The following BMPR2 variants were observed in gnomAD, a reference collection of about 807,000 sequenced individuals.
The protein encoded by BMPR2 is bone morphogenetic protein receptor type-2.
BMPR2 carries 29 observed loss-of-function variants against 100.8 expected under a neutral mutation model. The ratio of observed to expected loss-of-function variants is 0.29; its 90% CI spans 0.21 to 0.39. BMPR2 has a LOEUF of 0.39. Among genes scored for constraint, BMPR2 ranks in the 10% least tolerant of loss-of-function variants. BMPR2 has a pLI of 1.00. For synonymous variants in BMPR2, 382 were observed against 442.3 expected (o/e 0.86, Z 1.71); for missense variants, 1,011 against 1,274.5 (o/e 0.79, Z 3.15).
chr2:202,556,407 T>G lies in BMPR2; in HGVS notation c.2742T>G (p.Asp914Glu), dbSNP rs749511416. The change falls in exon 12 of 13, where the codon GAT becomes GAG. Residue 914 changes from aspartate (D) to glutamate (E), a missense_variant. By Grantham distance (45) the Asp-to-Glu change is conservative. Around this residue, in one of 6 missense-constraint regions of BMPR2, gnomAD observed 508 missense variants for 552.0 expected, o/e 0.92. Transcript: ENST00000374580. ...ACAGCAATCCATGTTCAGAACAAGATGTTCTTGCACAGGGTGTTCCAAGCA... is the reference window on the plus strand; with the variant it reads ...ACAGCAATCCATGTTCAGAACAAGAGGTTCTTGCACAGGGTGTTCCAAGCA... ...NNNSNPCSEQ[D>E]VLAQGVPSTA... is the part of the protein sequence containing the mutation. The G allele has an allele frequency of 1.2e-6, 2 of 1,614,182 alleles. No homozygotes were observed. Among genetic ancestry groups the G allele is most frequent in the East Asian group, 4.5e-5 (2 of 44,874 alleles).
chr2:202,408,817 A>G (rs1690952421), intron 1 of BMPR2, among the ~76,000 whole-genome samples: 1 of 152,212 alleles, frequency 6.6e-6, no homozygotes, highest in Non-Finnish European at 1.5e-5. Flanking sequence ...AACACAGGGT[A>G]TAACATCAAA....
Position 202,563,625 on chromosome 2 carries a change from A to G in BMPR2, c.*3679A>G, listed in dbSNP as rs1402277619. The G allele has an allele frequency of 6.6e-6, 1 of 152,186 alleles. No homozygotes were observed. The highest frequency in any genetic ancestry group is 1.9e-4 in the East Asian group (1 of 5,198). The allele number at this position is 152,186 out of a possible 1,614,324, so 9.4% of individuals were successfully genotyped here. On this transcript the variant is annotated 3_prime_UTR_variant, in exon 13 of 13. Transcript: ENST00000374580. ...CTCAATCCTGTATCTTCCATCATGA[A>G]TCTTAAAATCATTTCACTTCACTCC...
chr2:202,555,567 C>A lies in BMPR2; in HGVS notation c.1902C>A (p.Tyr634Ter). ...TGMTTISEMP[Y>*]PDETNLHTTN... ...TGACTACTATATCTGAGATGCCATA[C>A]CCAGATGAAACAAATCTGCATACCA... Residue 634 changes from tyrosine (Y) to a stop codon, truncating the protein, a stop_gained, in exon 12 of 13, where the codon TAC (tyrosine) becomes TAA (stop). Transcript: ENST00000374580. LOFTEE classifies it high-confidence loss of function. 1 of 1,614,098 alleles carries A rather than the reference C, an allele frequency of 6.2e-7. No individual in the cohort carries two copies. The highest frequency in any genetic ancestry group is 8.5e-7 in the Non-Finnish European group (1 of 1,180,030).
At chr2:202,450,959 A>G (rs1458049336) in intron 1 of BMPR2, among the ~76,000 whole-genome samples, 1 of 152,194 alleles carries the variant, frequency 6.6e-6, no homozygotes, top group African/African-American at 2.4e-5. Context: ...CATTACTGCA[A>G]GGTTCCTGTG....
At chr2:202,444,350 T>A (rs938723047) in intron 1 of BMPR2, among the ~76,000 whole-genome samples, 1 of 150,754 alleles carries the variant, frequency 6.6e-6, no homozygotes, top group Non-Finnish European at 1.5e-5. Flanking sequence ...TTTGTTTTTT[T>A]ATAAGAAAAT....
At chr2:202,531,226 C>T (rs1480605320) in intron 8 of BMPR2, among the ~76,000 whole-genome samples, 3 of 152,160 alleles carry the variant, frequency 2.0e-5, no homozygotes, top group Non-Finnish European at 2.9e-5. Flanking sequence ...TCGCTTGAAC[C>T]CAGGAGGAGG....
intron 3 of BMPR2, among the ~76,000 whole-genome samples, chr2:202,491,648 C>T (rs192505146): frequency 1.6e-4 from 24 of 152,072 alleles, no homozygotes; most frequent in African/African-American, 5.5e-4. Context: ...AGGAGATCCA[C>T]CCGCCTCAGC....
intron 5 of BMPR2, among the ~76,000 whole-genome samples, chr2:202,517,021 T>C (rs183910700): frequency 6.6e-6 from 1 of 152,094 alleles, no homozygotes; most frequent in Non-Finnish European, 1.5e-5. Context: ...GTAATTTTTT[T>C]GTATTCTGGA....
At chr2:202,550,510 G>C (rs964824205) in intron 10 of BMPR2, among the ~76,000 whole-genome samples, 12 of 151,986 alleles carry the variant, frequency 7.9e-5, no homozygotes, top group African/African-American at 2.9e-4. Context: ...GAGCCACCAT[G>C]CCTAGCCTAG....
chr2:202,548,009 T>C (rs1414725684), intron 10 of BMPR2, among the ~76,000 whole-genome samples: 1 of 151,812 alleles, frequency 6.6e-6, no homozygotes, highest in Non-Finnish European at 1.5e-5. Flanking sequence ...CACTTGAACC[T>C]GGGAGGTGGA....
Position 202,560,180 on chromosome 2 carries a change from T to C in BMPR2, c.*234T>C, listed in dbSNP as rs1688655978. ...CTTTTGTTTAGTCTCGCTAAAGTTA[T>C]ATTTGTCTGTTATGACCACAGAGTT... is the stretch of plus-strand genomic sequence containing the variant. On this transcript the variant is annotated 3_prime_UTR_variant, in exon 13 of 13. Transcript: ENST00000374580. 3 of 533,060 alleles carry C rather than the reference T, an allele frequency of 5.6e-6. No homozygotes were observed. Among genetic ancestry groups the C allele is most frequent in the Non-Finnish European group, 6.7e-6 (2 of 299,894 alleles). The allele number at this position is 533,060 out of a possible 1,614,324, so 33.0% of individuals were successfully genotyped here.
In BMPR2 at chr2:202,469,093, C is replaced by T. The variant is rs901587166; in HGVS notation, c.418+1404C>T. On this transcript the variant is annotated intron_variant, in intron 3 of 12. Coordinates refer to ENST00000374580, the MANE Select transcript of BMPR2 (RefSeq NM_001204.7). The stretch of plus-strand genomic sequence containing the variant: ...TTGCCGAGGCTGGAGTGCAATGGCA[C>T]GATCTCGGCTCACCACAACCTCTGC... 3.9e-5 allele frequency among the ~76,000 whole-genome samples: 6 copies of T among 152,220 alleles called. No individual in the cohort carries two copies. In the South Asian group the frequency reaches 8.3e-4, roughly 21 times the overall value.
chr2:202,483,774 G>A (rs898059388), intron 3 of BMPR2, among the ~76,000 whole-genome samples: 23 of 152,192 alleles, frequency 1.5e-4, no homozygotes, highest in African/African-American at 5.3e-4. Flanking sequence ...TTCTTTATTT[G>A]GTATTGGAAC....
chr2:202,560,965 A>G lies in BMPR2; in HGVS notation c.*1019A>G, dbSNP rs1379353837. 1 of 152,172 alleles carries G rather than the reference A, an allele frequency of 6.6e-6. No homozygotes were observed. The highest frequency in any genetic ancestry group is 1.5e-5 in the Non-Finnish European group (1 of 68,028). 9.4% of individuals were successfully genotyped at this position (152,172 alleles called of 1,614,324 possible). ...AGTAGGTAAATAAATGGTTAAGACA[A>G]AATAGTGTTATAGCCTTCATTCTCT... is the stretch of plus-strand genomic sequence containing the variant. On this transcript the variant is annotated 3_prime_UTR_variant, in exon 13 of 13. Coordinates refer to ENST00000374580, the MANE Select transcript of BMPR2 (RefSeq NM_001204.7).
At chr2:202,491,483 G>A (rs1268521139) in intron 3 of BMPR2, among the ~76,000 whole-genome samples, 1 of 151,678 alleles carries the variant, frequency 6.6e-6, no homozygotes, top group Non-Finnish European at 1.5e-5. Flanking sequence ...AAGTACAGTG[G>A]CACGATCTCG....
chr2:202,510,989 T>G (rs936978155), intron 3 of BMPR2, among the ~76,000 whole-genome samples: 2 of 151,732 alleles, frequency 1.3e-5, no homozygotes, highest in Admixed American at 6.6e-5. Flanking sequence ...TTAGTTTTTT[T>G]TTTTTTTTTT....
chr2:202,520,580 C>T (rs548205687), intron 7 of BMPR2: 1 of 284,010 alleles, frequency 3.5e-6, no homozygotes. Flanking sequence ...CAACCCTTCC[C>T]AAGGACCCTA....
In BMPR2 at chr2:202,422,360, G is replaced by A. The variant is rs59284139; in HGVS notation, c.77-42449G>A. 6.3e-3 allele frequency among the ~76,000 whole-genome samples: 954 copies of A among 152,222 alleles called. 15 individuals are homozygous for A. The highest frequency in any genetic ancestry group is 0.021 in the African/African-American group (890 of 41,550). On this transcript the variant is annotated intron_variant, in intron 1 of 12. Coordinates refer to ENST00000374580, the MANE Select transcript of BMPR2 (RefSeq NM_001204.7). ...CTTGCTCTGTCGCCCAGGCTGGAGT[G>A]CAGTGGGGCGATCTGGGCTCACTGC...
At chr2:202,501,795 G>A (rs529100997) in intron 3 of BMPR2, among the ~76,000 whole-genome samples, 6 of 152,318 alleles carry the variant, frequency 3.9e-5, no homozygotes, top group East Asian at 3.9e-4. Flanking sequence ...CTTCAAATGC[G>A]CATATGCGTG....
Sources: gnomAD v4.1 joint callset for allele counts (sites outside exome capture counted in the v4.1 genomes callset) on GRCh38, gnomAD v4.1.1 for gene constraint, gnomAD v4.1.1 regional missense constraint, MANE v1.5 for transcripts, NCBI Gene and HGNC (gene_info 2026-07-23, HGNC 2026-07-21) for gene names.